Variants in RPA3 observed in about 807,000 individuals in gnomAD.
RPA3 encodes replication protein A 14 kDa subunit.
Under a neutral mutation model 13.7 loss-of-function variants are expected in RPA3, and 24 were observed. That is an observed-to-expected ratio of 1.75 (90% CI 1.27 to 2.46). The LOEUF (loss-of-function observed/expected upper bound fraction) is 2.46. RPA3 is among the 30% of genes most tolerant of loss of function. The pLI, the probability that RPA3 is intolerant of heterozygous loss-of-function variation, is 0.00. For missense variants in RPA3, 183 were observed against 151.0 expected (o/e 1.21, Z -1.11); for synonymous variants, 59 against 51.2 (o/e 1.15, Z -0.65).
chr7:7,717,056 T>C (rs117310337), intron 1 of RPA3, among the ~76,000 whole-genome samples: 11,540 of 149,758 alleles, frequency 0.077, 579 homozygotes, highest in Non-Finnish European at 0.098. Flanking sequence ...TTCTTTCTTT[T>C]TTTCTTTTTT....
intron 2 of RPA3, among the ~76,000 whole-genome samples, chr7:7,713,758 A>C (rs888456618): frequency 6.6e-6 from 1 of 152,156 alleles, no homozygotes; most frequent in South Asian, 2.1e-4. Context: ...AATGCTATTG[A>C]GCAGCTTCCA....
intron 4 of RPA3, among the ~76,000 whole-genome samples, chr7:7,675,123 C>T (rs2115111313): frequency 6.6e-6 from 1 of 152,248 alleles, no homozygotes; most frequent in East Asian, 1.9e-4. Context: ...CCTCGGCCCC[C>T]CAAAGTGTTG....
At chr7:7,643,875 G>T (rs1785035296) in intron 4 of RPA3, among the ~76,000 whole-genome samples, 1 of 152,040 alleles carries the variant, frequency 6.6e-6, no homozygotes, top group African/African-American at 2.4e-5. Context: ...TTCCTGCTCT[G>T]GAACTTGCCT....
chr7:7,717,229 G>T (rs549295260), intron 1 of RPA3, among the ~76,000 whole-genome samples: 1 of 151,846 alleles, frequency 6.6e-6, no homozygotes, highest in South Asian at 2.1e-4. Flanking sequence ...GCTAATTTTC[G>T]TATTTTTGGT....
At chr7:7,695,500 T>C (rs1780290552) in intron 2 of RPA3, among the ~76,000 whole-genome samples, 1 of 152,216 alleles carries the variant, frequency 6.6e-6, no homozygotes, top group African/African-American at 2.4e-5. Context: ...CCATGGTCTT[T>C]CCTTGTTACT....
At chr7:7,690,562 G>A (rs1439657098) in intron 2 of RPA3, among the ~76,000 whole-genome samples, 2 of 152,042 alleles carry the variant, frequency 1.3e-5, no homozygotes, top group African/African-American at 4.8e-5. Flanking sequence ...TAAGGTGGGG[G>A]TGATGCCGCA....
chr7:7,655,981 A>G lies in RPA3; in HGVS notation c.-757-14806T>C, dbSNP rs1478446794. Among the ~76,000 whole-genome samples, 3 of 152,050 alleles carry G rather than the reference A, an allele frequency of 2.0e-5. No individual in the cohort carries two copies. The East Asian group carries it at 5.8e-4, about 29-fold the overall frequency. ...CTTCCGAGTAGCTGGGATTACAGGCATGCGCCATCATGCCTGGCTAATTTT... is the reference window on the plus strand; with the variant it reads ...CTTCCGAGTAGCTGGGATTACAGGCGTGCGCCATCATGCCTGGCTAATTTT... On this transcript the variant is annotated intron_variant, in intron 4 of 7. Coordinates refer to ENST00000223129, the MANE Select transcript of RPA3 (RefSeq NM_002947.5).
chr7:7,666,774 C>T (rs1452104925), intron 4 of RPA3, among the ~76,000 whole-genome samples: 31 of 152,008 alleles, frequency 2.0e-4, no homozygotes, highest in Non-Finnish European at 5.9e-5. Context: ...GGAATTTTCT[C>T]CCATTTTTGT....
chr7:7,638,299 A>T, intron 6 of RPA3: 1 of 212,780 alleles, frequency 4.7e-6, no homozygotes, highest in Non-Finnish European at 9.7e-6. Context: ...GTATTTCACA[A>T]TGTGTTCTGT....
At chr7:7,675,645 C>G (rs1219256315) in intron 4 of RPA3, among the ~76,000 whole-genome samples, 2 of 152,200 alleles carry the variant, frequency 1.3e-5, no homozygotes, top group Admixed American at 6.5e-5. Flanking sequence ...CTAATATGCT[C>G]TCAGTACCAG....
rs768382075 is a variant in RPA3 at position 7,640,423 on chromosome 7, A to T, written c.-5T>A. The T allele has an allele frequency of 2.5e-6, 4 of 1,613,520 alleles. No individual in the cohort carries two copies. The highest frequency in any genetic ancestry group is 2.5e-6 in the Non-Finnish European group (3 of 1,179,700). On this transcript the variant is annotated 5_prime_UTR_variant, in exon 5 of 8. Coordinates refer to ENST00000223129, the MANE Select transcript of RPA3 (RefSeq NM_002947.5). Reference sequence around the variant, plus strand: ...CAAGTCCATCATGTCCACCATGATTATGGTCCAAGACTGCGGCTGGCGGGA... The same window carrying T: ...CAAGTCCATCATGTCCACCATGATTTTGGTCCAAGACTGCGGCTGGCGGGA...
chr7:7,695,282 C>T (rs976952100), intron 2 of RPA3, among the ~76,000 whole-genome samples: 2 of 152,162 alleles, frequency 1.3e-5, no homozygotes, highest in African/African-American at 4.8e-5. Flanking sequence ...AACATTTTCC[C>T]CACCACAGTT....
At chr7:7,710,721 G>A (rs994831862) in intron 2 of RPA3, among the ~76,000 whole-genome samples, 4 of 152,132 alleles carry the variant, frequency 2.6e-5, no homozygotes, top group Non-Finnish European at 4.4e-5. Flanking sequence ...AATTGAAGAC[G>A]TATATGTGCA....
Position 7,643,666 on chromosome 7 carries a change from C to G in RPA3, c.-757-2491G>C, listed in dbSNP as rs1414112114. Among the ~76,000 whole-genome samples, 3 of 150,062 alleles carry G rather than the reference C, an allele frequency of 2.0e-5. No homozygotes were observed. In the East Asian group the frequency reaches 5.8e-4, roughly 29 times the overall value. On this transcript the variant is annotated intron_variant, in intron 4 of 7. Coordinates refer to ENST00000223129, the MANE Select transcript of RPA3 (RefSeq NM_002947.5). ...GGCGGAGCTTGCAGTGAGCCGAGAT[C>G]GCGCCACTTCACTCCAACCTGGGCC...
chr7:7,685,914 A>G lies in RPA3; in HGVS notation c.-842T>C, dbSNP rs1780032168. ...CTTTTTTTGATTGTAGTAATCAGTA[A>G]GTGAACATTCTTGAGCACTTTCTCT... On this transcript the variant is annotated 5_prime_UTR_variant, in exon 4 of 8. Coordinates refer to ENST00000223129, the MANE Select transcript of RPA3 (RefSeq NM_002947.5). The G allele has an allele frequency of 6.6e-6, 1 of 152,232 alleles. No homozygotes were observed. The highest frequency in any genetic ancestry group is 1.5e-5 in the Non-Finnish European group (1 of 68,044). The allele number at this position is 152,232 out of a possible 1,614,324, so 9.4% of individuals were successfully genotyped here. A position where few individuals can be genotyped will look rare whatever the true frequency, so the allele number is the denominator to read the frequency against.
intron 4 of RPA3, among the ~76,000 whole-genome samples, chr7:7,644,645 T>G (rs1277332977): frequency 6.6e-6 from 1 of 152,204 alleles, no homozygotes; most frequent in Non-Finnish European, 1.5e-5. Context: ...TTTTGCCACC[T>G]TCACTTGTCA....
At chr7:7,645,848 G>A (rs1253461217) in intron 4 of RPA3, among the ~76,000 whole-genome samples, 2 of 151,054 alleles carry the variant, frequency 1.3e-5, no homozygotes, top group African/African-American at 4.9e-5. Flanking sequence ...GTTCATGAGT[G>A]AGATTGGTCT....
chr7:7,672,956 T>C (rs1452341425), intron 4 of RPA3, among the ~76,000 whole-genome samples: 1 of 152,192 alleles, frequency 6.6e-6, no homozygotes, highest in Non-Finnish European at 1.5e-5. Context: ...GTTTATTTTA[T>C]TTTTTCCTAT....
At chr7:7,691,461 G>T (rs28912723) in intron 2 of RPA3, among the ~76,000 whole-genome samples, 4 of 152,112 alleles carry the variant, frequency 2.6e-5, no homozygotes, top group African/African-American at 9.7e-5. Flanking sequence ...TAAAATATCA[G>T]TATTTACTAC....
Sources: allele counts gnomAD v4.1 joint callset (sites outside exome capture counted in the v4.1 genomes callset), GRCh38; gene constraint gnomAD v4.1.1; transcripts MANE v1.5; gene names NCBI Gene and HGNC (gene_info 2026-07-23, HGNC 2026-07-21).